The following TIAM1 variants were observed in gnomAD, a reference collection of about 807,000 sequenced individuals.
The protein encoded by TIAM1 is TIAM Rac1 associated GEF 1.
A neutral mutation model predicts 163.5 loss-of-function variants in TIAM1; 65 were observed. The ratio of observed to expected loss-of-function variants is 0.40; its 90% confidence interval spans 0.33 to 0.49. TIAM1 has a LOEUF of 0.49. Ranked by LOEUF, TIAM1 falls within the 20% of genes least tolerant of loss-of-function variation. The pLI is 0.77. For missense variants in TIAM1, 1,789 were observed against 2,044.7 expected (o/e 0.87, Z 2.41); for synonymous variants, 833 against 810.1 (o/e 1.03, Z -0.48).
chr21:31,356,515 G>A (rs2076319371), intron 2 of TIAM1, among the ~76,000 whole-genome samples: 1 of 152,176 alleles, frequency 6.6e-6, no homozygotes, highest in Non-Finnish European at 1.5e-5. Context: ...GAGAGGATTA[G>A]ATCATGAGAT....
chr21:31,383,298 GC>G (rs1346608128), intron 2 of TIAM1, among the ~76,000 whole-genome samples: 2 of 152,100 alleles, frequency 1.3e-5, no homozygotes, highest in Non-Finnish European at 2.9e-5. Context: ...AAAGAGTAAA[GC>G]TTTTAATCCC....
chr21:31,326,986 C>A (rs1414014065), intron 2 of TIAM1, among the ~76,000 whole-genome samples: 2 of 152,216 alleles, frequency 1.3e-5, no homozygotes, highest in African/African-American at 4.8e-5. Context: ...TTGAAAAGCT[C>A]AGAGATCTGA....
In TIAM1 at chr21:31,494,881, C is replaced by G. The variant is rs147493663; in HGVS notation, c.-421-30846G>C. Reference sequence around the variant, plus strand: ...CTAAAAATTAACAGAAATGTATACCCACCTAACTAGCACAAAGCAACACCT... The same window carrying G: ...CTAAAAATTAACAGAAATGTATACCGACCTAACTAGCACAAAGCAACACCT... On this transcript the variant is annotated intron_variant, in intron 1 of 28. Transcript: ENST00000286827. Among the ~76,000 whole-genome samples, 694 of 152,236 alleles carry G rather than the reference C, an allele frequency of 4.6e-3. 7 individuals are homozygous for G. The highest frequency in any genetic ancestry group is 0.015 in the African/African-American group (641 of 41,566).
At chr21:31,149,026 G>T (rs961093833) in intron 19 of TIAM1, among the ~76,000 whole-genome samples, 8 of 151,078 alleles carry the variant, frequency 5.3e-5, no homozygotes, top group Non-Finnish European at 1.0e-4. Flanking sequence ...GAAATCAGCA[G>T]CAACAGGTTT....
rs747379451 is a variant in TIAM1 at position 31,120,456 on chromosome 21, T to C, written c.4688A>G (p.Asn1563Ser). Residue 1563 changes from asparagine (N) to serine (S), a missense_variant, in exon 28 of 28, where the codon AAT becomes AGT. Asn to Ser is a conservative substitution (Grantham distance 46). Around this residue, in one of 5 missense-constraint regions of TIAM1, gnomAD observed 415 missense variants for 439.2 expected, o/e 0.94. Transcript: ENST00000541036. This position sits in a 1 kb window ranked among gnomAD's most constrained non-coding sequence, Gnocchi z 4.2. ...CTCGCTTGCGCTCTCCAGGCCTCCA[T>C]TGATCCCCGACAGGGCAGCTTGCTT... Reference protein sequence around the residue: ...LKKQAALSGINGGLESASEEV... With the variant: ...LKKQAALSGISGGLESASEEV... 39 of 1,614,114 alleles carry C rather than the reference T, an allele frequency of 2.4e-5. No individual in the cohort carries two copies. Among genetic ancestry groups the C allele is most frequent in the African/African-American group, 8.0e-5 (6 of 74,952 alleles).
chr21:31,326,566 G>A (rs1197708143), intron 2 of TIAM1, among the ~76,000 whole-genome samples: 2 of 152,184 alleles, frequency 1.3e-5, no homozygotes, highest in Non-Finnish European at 2.9e-5. Flanking sequence ...AAAGAAAGAA[G>A]GCTTCTGCAA....
At chr21:31,164,054 G>A (rs1254050334) in intron 16 of TIAM1, among the ~76,000 whole-genome samples, 1 of 151,810 alleles carries the variant, frequency 6.6e-6, no homozygotes, top group African/African-American at 2.4e-5. Flanking sequence ...AGAGGCTACT[G>A]ACCCATGGAA....
At chr21:31,522,960 T>C (rs1397714486) in intron 1 of TIAM1, among the ~76,000 whole-genome samples, 1 of 152,234 alleles carries the variant, frequency 6.6e-6, no homozygotes, top group African/African-American at 2.4e-5. Context: ...ATCACAATAA[T>C]TCACCGACCA....
intron 1 of TIAM1, among the ~76,000 whole-genome samples, chr21:31,486,345 G>A (rs9978515): frequency 4.9e-4 from 75 of 152,298 alleles, no homozygotes; most frequent in African/African-American, 1.7e-3. Flanking sequence ...CAGCTGCACC[G>A]GCGTCATCCT....
At chr21:31,513,643 T>C (rs1288673420) in intron 1 of TIAM1, among the ~76,000 whole-genome samples, 1 of 152,234 alleles carries the variant, frequency 6.6e-6, no homozygotes, top group African/African-American at 2.4e-5. Flanking sequence ...TCTGTTTTAA[T>C]GGAAACTCTT....
At chr21:31,551,457 A>T (rs13050141) in intron 1 of TIAM1, among the ~76,000 whole-genome samples, 21,036 of 151,724 alleles carry the variant, frequency 0.14, 1,685 homozygotes, top group Non-Finnish European at 0.18. Context: ...AAGAACCATT[A>T]AAAAAAATGC....
chr21:31,272,944 C>CT (rs2073128230), intron 3 of TIAM1, among the ~76,000 whole-genome samples: 2 of 151,920 alleles, frequency 1.3e-5, no homozygotes, highest in African/African-American at 4.8e-5. Context: ...AAGCTTCTGT[C>CT]TTAATAAACT....
intron 11 of TIAM1, among the ~76,000 whole-genome samples, chr21:31,203,398 C>G (rs2086300734): frequency 6.6e-6 from 1 of 152,238 alleles, no homozygotes; most frequent in Admixed American, 6.5e-5. Flanking sequence ...GCTGGGATTA[C>G]AGGCGTGGGC....
chr21:31,412,330 A>G (rs181090542), intron 2 of TIAM1, among the ~76,000 whole-genome samples: 213 of 152,016 alleles, frequency 1.4e-3, no homozygotes, highest in African/African-American at 4.7e-3. Context: ...GGCACAATGT[A>G]TGTTATTTGG....
rs555418950 is a variant in TIAM1 at position 31,535,978 on chromosome 21, G to A, written c.-422+22949C>T. 9.9e-5 allele frequency among the ~76,000 whole-genome samples: 15 copies of A among 152,268 alleles called. No individual in the cohort carries two copies. In the East Asian group the frequency reaches 2.5e-3, roughly 25 times the overall value. On this transcript the variant is annotated intron_variant, in intron 1 of 28. Transcript: ENST00000286827. ...CCAACAGATGAATGGAAGACGATGGGTTACTATGCCAGCAGAAAAGGTCCT... is the reference window on the plus strand; with the variant it reads ...CCAACAGATGAATGGAAGACGATGGATTACTATGCCAGCAGAAAAGGTCCT...
chr21:31,510,404 A>T (rs1401226707), intron 1 of TIAM1, among the ~76,000 whole-genome samples: 1 of 152,198 alleles, frequency 6.6e-6, no homozygotes, highest in Non-Finnish European at 1.5e-5. Context: ...GCACTTCATC[A>T]TCTCTTTAGA....
chr21:31,247,548 C>G (rs1041655122), intron 5 of TIAM1, among the ~76,000 whole-genome samples: 6 of 151,966 alleles, frequency 3.9e-5, no homozygotes, highest in Non-Finnish European at 8.8e-5. Flanking sequence ...GCATATACAA[C>G]CATACCTGGC....
intron 2 of TIAM1, among the ~76,000 whole-genome samples, chr21:31,461,268 G>C (rs990284537): frequency 6.6e-6 from 1 of 152,128 alleles, no homozygotes; most frequent in African/African-American, 2.4e-5. Flanking sequence ...CAGATCACTG[G>C]AGGTCAGGAG....
In TIAM1 at chr21:31,472,935, G is replaced by A. The variant is rs144155430; in HGVS notation, c.-421-8900C>T. On this transcript the variant is annotated intron_variant, in intron 1 of 28. Coordinates refer to the TIAM1 transcript ENST00000286827. The stretch of plus-strand genomic sequence containing the variant: ...ATTACAGTAATTGATCTGATCTGCT[G>A]CAAGTCTTCGCACTCCAGTCAAATG... Among the ~76,000 whole-genome samples the A allele has an allele frequency of 3.3e-5, 5 of 152,292 alleles. No individual in the cohort carries two copies. In the East Asian group the frequency reaches 7.7e-4, roughly 24 times the overall value.
Sources: allele counts gnomAD v4.1 joint callset (sites outside exome capture counted in the v4.1 genomes callset), GRCh38; gene constraint gnomAD v4.1.1; regional missense constraint gnomAD v4.1.1; non-coding constraint Gnocchi (gnomAD v3.1); transcripts MANE v1.5; gene names NCBI Gene and HGNC (gene_info 2026-07-23, HGNC 2026-07-21).